The following SAMTOR variants were observed in gnomAD, a reference collection of about 807,000 sequenced individuals.
SAMTOR encodes S-adenosylmethionine sensor upstream of mTORC1.
At chr7:112,853,257 T>A in the SAMTOR span, among the ~76,000 whole-genome samples, 1 of 152,140 alleles carries the variant, frequency 6.6e-6, no homozygotes, top group Non-Finnish European at 1.5e-5. Flanking sequence ...TTTCCTTTAT[T>A]CAGCGGAAAA....
the SAMTOR span, among the ~76,000 whole-genome samples, chr7:112,865,884 C>T: frequency 2.7e-5 from 4 of 149,134 alleles, no homozygotes; most frequent in African/African-American, 9.9e-5. Flanking sequence ...CTGCATGAGC[C>T]CAGGAGTCCA....
chr7:112,890,247 G>A, the SAMTOR span, among the ~76,000 whole-genome samples: 1 of 152,064 alleles, frequency 6.6e-6, no homozygotes, highest in Non-Finnish European at 1.5e-5. Context: ...ACTGGAAGAG[G>A]GTGGAAGCCT....
chr7:112,880,999 G>A, the SAMTOR span, among the ~76,000 whole-genome samples: 1 of 151,888 alleles, frequency 6.6e-6, no homozygotes, highest in Non-Finnish European at 1.5e-5. Flanking sequence ...CCACCCTCCT[G>A]GGCGCAGCTG....
the SAMTOR span, among the ~76,000 whole-genome samples, chr7:112,890,494 C>A: frequency 6.6e-6 from 1 of 151,932 alleles, no homozygotes; most frequent in Non-Finnish European, 1.5e-5. Flanking sequence ...AGTTTCTATA[C>A]TTTTTAACCA....
the SAMTOR span, among the ~76,000 whole-genome samples, chr7:112,864,624 C>T: frequency 6.6e-6 from 1 of 152,200 alleles, no homozygotes. Context: ...CTCATATTTA[C>T]AGCTGAAAGT....
chr7:112,846,430 G>A, the SAMTOR span, among the ~76,000 whole-genome samples: 3 of 152,032 alleles, frequency 2.0e-5, no homozygotes, highest in African/African-American at 7.2e-5. Context: ...CTTAGTACCC[G>A]GGTGGCAAAG....
chr7:112,871,664 GAGC>G, the SAMTOR span, among the ~76,000 whole-genome samples: 1 of 152,030 alleles, frequency 6.6e-6, no homozygotes, highest in African/African-American at 2.4e-5. Context: ...ACTAAAATTA[GAGC>G]AGAAGTAAAT....
chr7:112,871,632 A>G, the SAMTOR span, among the ~76,000 whole-genome samples: 1 of 152,152 alleles, frequency 6.6e-6, no homozygotes, highest in Non-Finnish European at 1.5e-5. Context: ...ACTGATTGCA[A>G]TGCTAGCAGA....
chr7:112,880,253 C>T, the SAMTOR span, among the ~76,000 whole-genome samples: 5 of 152,136 alleles, frequency 3.3e-5, no homozygotes, highest in Admixed American at 3.3e-4. Flanking sequence ...TTTTCATTCT[C>T]AATGCCTAGA....
the SAMTOR span, among the ~76,000 whole-genome samples, chr7:112,872,197 T>C: frequency 6.6e-6 from 1 of 151,990 alleles, no homozygotes; most frequent in Non-Finnish European, 1.5e-5. Flanking sequence ...CTACAGCCAA[T>C]ATACTTGATG....
the SAMTOR span, among the ~76,000 whole-genome samples, chr7:112,858,991 T>C: frequency 4.6e-5 from 7 of 152,282 alleles, no homozygotes; most frequent in East Asian, 1.4e-3. Flanking sequence ...AACTTTAAAT[T>C]AGCAGACTTT....
the SAMTOR span, among the ~76,000 whole-genome samples, chr7:112,869,144 A>T: frequency 6.6e-6 from 1 of 152,096 alleles, no homozygotes; most frequent in Non-Finnish European, 1.5e-5. Context: ...AAAGCCAAGG[A>T]ATGAATTCGG....
chr7:112,923,321 C>T, the SAMTOR span, among the ~76,000 whole-genome samples: 8 of 151,856 alleles, frequency 5.3e-5, no homozygotes, highest in Non-Finnish European at 1.2e-4. Flanking sequence ...ATCTCAAGTA[C>T]CCAGGGACAC....
At chr7:112,878,971 C>T in the SAMTOR span, among the ~76,000 whole-genome samples, 1 of 151,902 alleles carries the variant, frequency 6.6e-6, no homozygotes, top group Non-Finnish European at 1.5e-5. Flanking sequence ...GATAGTAGGA[C>T]TTGGTGATTA....
chr7:112,872,890 A>T, the SAMTOR span, among the ~76,000 whole-genome samples: 2 of 151,928 alleles, frequency 1.3e-5, no homozygotes, highest in Non-Finnish European at 2.9e-5. Flanking sequence ...CACTCAAGCT[A>T]AGAACCAAAT....
At chr7:112,882,239 C>T in the SAMTOR span, among the ~76,000 whole-genome samples, 2 of 152,194 alleles carry the variant, frequency 1.3e-5, no homozygotes, top group Admixed American at 6.5e-5. Flanking sequence ...CCTTGGCAGG[C>T]ATGGGATCTG....
At chr7:112,868,789 AG>A in the SAMTOR span, among the ~76,000 whole-genome samples, 16 of 152,150 alleles carry the variant, frequency 1.1e-4, 1 homozygote, top group Admixed American at 9.8e-4. Flanking sequence ...GTGCCCCAGC[AG>A]TAGTTGCTGG....
At chr7:112,880,992 C>G in the SAMTOR span, among the ~76,000 whole-genome samples, 2 of 151,940 alleles carry the variant, frequency 1.3e-5, no homozygotes, top group Admixed American at 6.5e-5. Context: ...AAGAGCCCCA[C>G]CCTCCTGGGC....
chr7:112,870,082 G>T, the SAMTOR span, among the ~76,000 whole-genome samples: 16,497 of 152,138 alleles, frequency 0.11, 1,188 homozygotes, highest in Middle Eastern at 0.31. Flanking sequence ...CAACTTACTG[G>T]CATTCCTGAG....
Sources: allele counts gnomAD v4.1 joint callset (sites outside exome capture counted in the v4.1 genomes callset), GRCh38; gene constraint gnomAD v4.1.1; transcripts MANE v1.5; gene names NCBI Gene and HGNC (gene_info 2026-07-23, HGNC 2026-07-21).